DLGAP1: variants seen among roughly 807,000 people sequenced by gnomAD.
DLGAP1 encodes disks large-associated protein 1.
A neutral mutation model predicts 90.8 loss-of-function variants in DLGAP1; 11 were observed. The observed-to-expected ratio is 0.12, with a 90% CI of 0.08 to 0.20. DLGAP1 has a LOEUF of 0.20. Among genes scored for constraint, DLGAP1 ranks in the 10% least tolerant of loss-of-function variants. DLGAP1 has a pLI of 1.00. For missense variants in DLGAP1, 1,050 were observed against 1,333.8 expected (o/e 0.79, Z 3.31); for synonymous variants, 558 against 540.7 (o/e 1.03, Z -0.44).
chr18:3,760,801 A>G (rs2147905560), intron 5 of DLGAP1, among the ~76,000 whole-genome samples: 1 of 152,344 alleles, frequency 6.6e-6, no homozygotes, highest in Middle Eastern at 3.4e-3. Flanking sequence ...AATCAATTAC[A>G]ACAATCCAGA....
chr18:4,445,738 C>T (rs1173593133), intron 1 of DLGAP1, among the ~76,000 whole-genome samples: 2 of 151,856 alleles, frequency 1.3e-5, no homozygotes, highest in Admixed American at 6.6e-5. Context: ...AGAATATTCA[C>T]ATAAAATGTT....
intron 3 of DLGAP1, among the ~76,000 whole-genome samples, chr18:3,923,765 A>G (rs1477440757): frequency 1.3e-5 from 2 of 152,232 alleles, no homozygotes; most frequent in Non-Finnish European, 2.9e-5. Context: ...CCTCTGTACT[A>G]AAACAGTAAT....
chr18:4,275,897 T>C (rs960613855), intron 1 of DLGAP1, among the ~76,000 whole-genome samples: 28 of 152,096 alleles, frequency 1.8e-4, no homozygotes, highest in African/African-American at 6.8e-4. Flanking sequence ...AGTGAGTTCA[T>C]TGATTAGAAA....
intron 4 of DLGAP1, among the ~76,000 whole-genome samples, chr18:3,839,112 G>C (rs1025902904): frequency 1.3e-5 from 2 of 152,090 alleles, no homozygotes; most frequent in African/African-American, 4.8e-5. Context: ...AGGTGGAAGG[G>C]CTTATTTTCT....
In DLGAP1 at chr18:4,084,355, G is replaced by C. The variant is rs142764863; in HGVS notation, c.-159+66825C>G. 6.6e-6 allele frequency among the ~76,000 whole-genome samples: 1 copy of C among 152,088 alleles called. No individual in the cohort carries two copies. Among genetic ancestry groups the C allele is most frequent in the African/African-American group, 2.4e-5 (1 of 41,388 alleles). On this transcript the variant is annotated intron_variant, in intron 2 of 12. Coordinates refer to ENST00000315677, the MANE Select transcript of DLGAP1 (RefSeq NM_004746.4). This position sits in a 1 kb window ranked among gnomAD's most constrained non-coding sequence, Gnocchi z 4.0. ...TAACTCATTTAACAATCTTTCCATT[G>C]TTAAAAATTTAGATTTGTTTTCGAC...
At chr18:3,503,299 C>T (rs558186151) in intron 11 of DLGAP1, among the ~76,000 whole-genome samples, 1 of 152,186 alleles carries the variant, frequency 6.6e-6, no homozygotes, top group Non-Finnish European at 1.5e-5. Flanking sequence ...TGTGAGAACA[C>T]ATTATCTCTA....
chr18:4,427,986 A>G (rs2083194218), intron 1 of DLGAP1, among the ~76,000 whole-genome samples: 1 of 152,220 alleles, frequency 6.6e-6, no homozygotes, highest in African/African-American at 2.4e-5. Flanking sequence ...TGATCAAAGA[A>G]GGTATGTATT....
At chr18:3,647,276 A>G (rs1186572099) in intron 7 of DLGAP1, among the ~76,000 whole-genome samples, 1 of 147,110 alleles carries the variant, frequency 6.8e-6, no homozygotes, top group Non-Finnish European at 1.5e-5. Flanking sequence ...ATAAATAAAT[A>G]AAAATATACA....
At chr18:3,845,329 G>A in intron 4 of DLGAP1, 2 of 1,585,610 alleles carry the variant, frequency 1.3e-6, no homozygotes, top group African/African-American at 2.7e-5. Flanking sequence ...AGAGCATTTA[G>A]CTTCTCTCTA....
At chr18:3,689,899 C>T (rs1452830927) in intron 7 of DLGAP1, among the ~76,000 whole-genome samples, 1 of 152,030 alleles carries the variant, frequency 6.6e-6, no homozygotes, top group Non-Finnish European at 1.5e-5. Flanking sequence ...AGGTTTACAA[C>T]CTGTAACTAG....
intron 3 of DLGAP1, among the ~76,000 whole-genome samples, chr18:3,948,073 C>T (rs1266338335): frequency 6.6e-6 from 1 of 152,108 alleles, no homozygotes; most frequent in Non-Finnish European, 1.5e-5. Flanking sequence ...AAGTACACTC[C>T]CATACATCCA....
intron 2 of DLGAP1, among the ~76,000 whole-genome samples, chr18:4,100,565 C>A (rs977744881): frequency 2.0e-5 from 3 of 152,158 alleles, no homozygotes; most frequent in Admixed American, 2.0e-4. Context: ...TGCATTAGCC[C>A]CTAACAAGAG....
At chr18:4,337,794 A>G (rs909560279) in intron 1 of DLGAP1, among the ~76,000 whole-genome samples, 3 of 152,194 alleles carry the variant, frequency 2.0e-5, no homozygotes, top group Non-Finnish European at 4.4e-5. Flanking sequence ...CTACTTTTAT[A>G]CTGGAGCCAT....
intron 2 of DLGAP1, among the ~76,000 whole-genome samples, chr18:4,032,008 C>A (rs773198438): frequency 6.6e-6 from 1 of 152,158 alleles, no homozygotes; most frequent in Non-Finnish European, 1.5e-5. Context: ...GCAAAATTAT[C>A]CCTTTTCTCT....
intron 3 of DLGAP1, among the ~76,000 whole-genome samples, chr18:3,934,770 C>T (rs928620374): frequency 2.0e-5 from 3 of 152,054 alleles, no homozygotes; most frequent in Non-Finnish European, 4.4e-5. Flanking sequence ...CTGGGTAGGC[C>T]GTGAAGGGGA....
chr18:4,308,106 T>C (rs1347025981), intron 1 of DLGAP1, among the ~76,000 whole-genome samples: 2 of 152,178 alleles, frequency 1.3e-5, no homozygotes, highest in Non-Finnish European at 2.9e-5. Flanking sequence ...GGCACTACTG[T>C]TGTTCACTTA....
chr18:3,793,606 TC>T (rs2065847186), intron 5 of DLGAP1, among the ~76,000 whole-genome samples: 1 of 152,126 alleles, frequency 6.6e-6, no homozygotes, highest in Non-Finnish European at 1.5e-5. Context: ...CTCGAAGTGC[TC>T]CCCGTGGCCC....
chr18:3,979,088 G>A (rs2073665547), intron 3 of DLGAP1, among the ~76,000 whole-genome samples: 1 of 152,172 alleles, frequency 6.6e-6, no homozygotes, highest in Admixed American at 6.5e-5. Flanking sequence ...TGCACAACAT[G>A]GATGAACTTG....
chr18:3,669,739 C>G (rs1047810854), intron 7 of DLGAP1, among the ~76,000 whole-genome samples: 1 of 152,200 alleles, frequency 6.6e-6, no homozygotes, highest in Non-Finnish European at 1.5e-5. Flanking sequence ...AAACTTTCCA[C>G]TCATTATCCA....
Sources: allele counts gnomAD v4.1 joint callset (sites outside exome capture counted in the v4.1 genomes callset), GRCh38; gene constraint gnomAD v4.1.1; non-coding constraint Gnocchi (gnomAD v3.1); transcripts MANE v1.5; gene names NCBI Gene and HGNC (gene_info 2026-07-23, HGNC 2026-07-21).